Variants in CAMTA1 observed in about 807,000 individuals in gnomAD.
The protein encoded by CAMTA1 is calmodulin binding transcription activator 1.
In CAMTA1, 27 loss-of-function variants were observed where a neutral mutation model predicts 170.9. The observed-to-expected ratio is 0.16, with a 90% confidence interval of 0.12 to 0.22. The LOEUF (loss-of-function observed/expected upper bound fraction) is 0.22, where lower values mean the gene tolerates loss of function less well. Among genes scored for constraint, CAMTA1 ranks in the 10% least tolerant of loss-of-function variants. CAMTA1 has a pLI of 1.00. For missense variants in CAMTA1, 1,619 were observed against 2,217.2 expected, an observed-to-expected ratio of 0.73 and a Z score of 5.42; for synonymous variants, 833 against 891.5, an observed-to-expected ratio of 0.93 and a Z score of 1.17.
chr1:7,334,384 C>A (rs1315795638), intron 5 of CAMTA1, among the ~76,000 whole-genome samples: 1 of 152,212 alleles, frequency 6.6e-6, no homozygotes, highest in South Asian at 2.1e-4. Context: ...TAAGGGGAAA[C>A]CCCTCTTGGA....
chr1:6,880,875 C>A (rs1261853069), intron 3 of CAMTA1, among the ~76,000 whole-genome samples: 2 of 152,026 alleles, frequency 1.3e-5, no homozygotes, highest in Non-Finnish European at 2.9e-5. Flanking sequence ...TAAACAAAAC[C>A]ATGTTATTCC....
chr1:7,582,127 C>T (rs2095266217), intron 6 of CAMTA1, among the ~76,000 whole-genome samples: 1 of 152,196 alleles, frequency 6.6e-6, no homozygotes, highest in Admixed American at 6.5e-5. Flanking sequence ...GCTCTGATCC[C>T]TGAGCTGGAG....
chr1:7,477,708 C>T (rs890420858), intron 6 of CAMTA1, among the ~76,000 whole-genome samples: 24 of 152,176 alleles, frequency 1.6e-4, no homozygotes, highest in Non-Finnish European at 2.8e-4. Flanking sequence ...GGGGACTGGG[C>T]GACAGGAGGA....
intron 1 of CAMTA1, among the ~76,000 whole-genome samples, chr1:6,813,480 G>GT (rs560680567): frequency 4.1e-3 from 537 of 131,140 alleles, no homozygotes; most frequent in Non-Finnish European, 4.1e-3. Flanking sequence ...CTCCTTTTAA[G>GT]TTTTTTTTTT....
intron 3 of CAMTA1, among the ~76,000 whole-genome samples, chr1:6,929,359 T>C (rs1351949514): frequency 6.7e-6 from 1 of 149,552 alleles, no homozygotes; most frequent in East Asian, 2.0e-4. Flanking sequence ...TTTTTTTTTT[T>C]GTTTGTTTGT....
chr1:7,549,415 C>G (rs79882838), intron 6 of CAMTA1, among the ~76,000 whole-genome samples: 1 of 152,122 alleles, frequency 6.6e-6, no homozygotes, highest in Non-Finnish European at 1.5e-5. Flanking sequence ...CACAGAACCC[C>G]TTGGCCACCT....
At chr1:7,242,422 T>C (rs1032550975) in intron 4 of CAMTA1, among the ~76,000 whole-genome samples, 3 of 152,242 alleles carry the variant, frequency 2.0e-5, no homozygotes, top group Admixed American at 6.5e-5. Flanking sequence ...TCACATATTG[T>C]TGCTGGGTTT....
intron 6 of CAMTA1, among the ~76,000 whole-genome samples, chr1:7,523,431 G>A (rs967097797): frequency 1.3e-5 from 2 of 152,102 alleles, no homozygotes; most frequent in African/African-American, 4.8e-5. Context: ...TAGATAAATC[G>A]GAAGAGAATT....
At chr1:6,832,310 C>A (rs1466688368) in intron 3 of CAMTA1, among the ~76,000 whole-genome samples, 2 of 152,138 alleles carry the variant, frequency 1.3e-5, no homozygotes, top group Admixed American at 1.3e-4. Context: ...CAACTGAGCT[C>A]AAGCAATCTG....
At chr1:7,104,234 ACG>A (rs1558105209) in intron 4 of CAMTA1, among the ~76,000 whole-genome samples, 2 of 139,722 alleles carry the variant, frequency 1.4e-5, no homozygotes, top group Non-Finnish European at 1.6e-5. Flanking sequence ...ACAACTACAC[ACG>A]TGTACACACA....
intron 6 of CAMTA1, among the ~76,000 whole-genome samples, chr1:7,610,654 G>A (rs1202013312): frequency 6.6e-6 from 1 of 152,222 alleles, no homozygotes; most frequent in East Asian, 1.9e-4. Context: ...TGACCCCAGG[G>A]AAGGGAGGGA....
At chr1:6,860,544 T>A (rs1664275981) in intron 3 of CAMTA1, among the ~76,000 whole-genome samples, 1 of 152,214 alleles carries the variant, frequency 6.6e-6, no homozygotes, top group Admixed American at 6.5e-5. Context: ...TTTTCTTTCC[T>A]TATACACTGA....
intron 3 of CAMTA1, among the ~76,000 whole-genome samples, chr1:7,054,061 C>T (rs990268086): frequency 6.6e-6 from 1 of 152,228 alleles, no homozygotes; most frequent in Non-Finnish European, 1.5e-5. Context: ...TAGCACAGAC[C>T]ATCGTCCTCA....
rs1252153166 is a variant in CAMTA1, at chr1:7,064,786, G to A, written c.235-26518G>A. Among the ~76,000 whole-genome samples the A allele has an allele frequency of 3.3e-5, 5 of 152,170 alleles. No individual in the cohort carries two copies. The highest frequency in any genetic ancestry group is 7.2e-5 in the African/African-American group (3 of 41,438). On this transcript the variant is annotated intron_variant, in intron 3 of 22. Coordinates refer to ENST00000303635, the MANE Select transcript of CAMTA1 (RefSeq NM_015215.4). This position sits in a 1 kb window ranked among gnomAD's most constrained non-coding sequence, Gnocchi z 5.4. Reference sequence around the variant, plus strand: ...TCCCATTCGGGGCATGGTGGGGGCTGTAGGAGGACAGAGGAGTCCATGGAT... The same window carrying A: ...TCCCATTCGGGGCATGGTGGGGGCTATAGGAGGACAGAGGAGTCCATGGAT...
Position 7,664,820 on chromosome 1 carries a change from T to C in CAMTA1, c.2273T>C (p.Met758Thr). The C allele has an allele frequency of 6.2e-7, 1 of 1,613,454 alleles. No homozygotes were observed. The highest frequency in any genetic ancestry group is 8.5e-7 in the Non-Finnish European group (1 of 1,179,960). ...AQPSLGNASN[M>T]ELSLDHFDIS... ...CCCAGCCTCGGCAACGCCTCCAACA[T>C]GGAGCTCAGCCTGGACCACTTTGAC... Residue 758 changes from methionine to threonine, a missense_variant, in exon 9 of 23, where the codon ATG (methionine) becomes ACG (threonine). Transcript: ENST00000303635.
At chr1:7,381,827 A>G (rs2087368212) in intron 5 of CAMTA1, among the ~76,000 whole-genome samples, 1 of 149,298 alleles carries the variant, frequency 6.7e-6, no homozygotes, top group South Asian at 2.2e-4. Context: ...TTGTTTCCTG[A>G]CTTTTTAATG....
At position 7,761,178 on chromosome 1, in the gene CAMTA1, T is replaced by C. The variant is rs536538396; in HGVS notation, c.4990-5281T>C. On this transcript the variant is annotated intron_variant, in intron 22 of 22. Transcript: ENST00000303635. ...AATGCTTGGGGAAATACTGGGATTG[T>C]CTTTAATGTTAATAGCTGAATGGTA... 7.0e-4 allele frequency among the ~76,000 whole-genome samples: 106 copies of C among 152,332 alleles called. 1 individual carries two copies. Among genetic ancestry groups the C allele is most frequent in the African/African-American group, 2.2e-3 (90 of 41,580 alleles).
At chr1:7,501,989 G>A (rs1248458122) in intron 6 of CAMTA1, among the ~76,000 whole-genome samples, 2 of 152,210 alleles carry the variant, frequency 1.3e-5, no homozygotes, top group Non-Finnish European at 2.9e-5. Context: ...CAGAGGGGCT[G>A]GGGAGGAAGC....
chr1:7,622,997 C>T (rs886691839), intron 6 of CAMTA1, among the ~76,000 whole-genome samples: 1 of 152,220 alleles, frequency 6.6e-6, no homozygotes, highest in Non-Finnish European at 1.5e-5. Flanking sequence ...TCCCAGAGCT[C>T]CCCACAGCTG....
Sources: gnomAD v4.1 joint callset for allele counts (sites outside exome capture counted in the v4.1 genomes callset) on GRCh38, gnomAD v4.1.1 for gene constraint, Gnocchi (gnomAD v3.1) non-coding constraint, MANE v1.5 for transcripts, NCBI Gene and HGNC (gene_info 2026-07-23, HGNC 2026-07-21) for gene names.